The following SHE variants were observed in gnomAD, a reference collection of about 807,000 sequenced individuals.
SHE encodes SH2 domain-containing adapter protein E.
SHE carries 11 observed loss-of-function variants against 49.8 expected under a neutral mutation model. The ratio of observed to expected loss-of-function variants is 0.22; its 90% CI spans 0.14 to 0.37. SHE has a LOEUF of 0.37. Ranked by LOEUF, SHE falls within the 10% of genes least tolerant of loss-of-function variation. SHE has a pLI of 1.00. For missense variants in SHE, 624 were observed against 655.5 expected (o/e 0.95, Z 0.52); for synonymous variants, 310 against 278.1 (o/e 1.11, Z -1.14).
At chr1:154,500,044 A>G (rs758962025) in intron 1 of SHE, among the ~76,000 whole-genome samples, 19 of 142,546 alleles carry the variant, frequency 1.3e-4, no homozygotes, top group Non-Finnish European at 2.4e-4. Flanking sequence ...TACATTCTCC[A>G]AAGAGTTTAG....
In SHE at chr1:154,480,323, GAGA is replaced by G; in HGVS notation, c.*3823_*3825del. 3 of 985,376 alleles carry G rather than the reference GAGA, an allele frequency of 3.0e-6. No homozygotes were observed. Among genetic ancestry groups the G allele is most frequent in the Non-Finnish European group, 3.6e-6 (3 of 829,926 alleles). 61.0% of individuals were successfully genotyped at this position (985,376 alleles called of 1,614,324 possible). On this transcript the variant is annotated 3_prime_UTR_variant, in exon 6 of 6. Transcript: ENST00000304760. The stretch of plus-strand genomic sequence containing the variant: ...GCACTCCCTAAACCCTGGAAGGAGG[GAGA>G]AACAAGGGGCTAACCTTTGACTGAA...
chr1:154,471,557 G>A (rs1301488134), intron 1 of SHE, among the ~76,000 whole-genome samples: 2 of 152,178 alleles, frequency 1.3e-5, no homozygotes, highest in African/African-American at 4.8e-5. Flanking sequence ...CTGGGTGACA[G>A]CAAGACCTTG....
At chr1:154,471,042 TAAAAG>T (rs1691731508) in intron 1 of SHE, among the ~76,000 whole-genome samples, 7 of 139,980 alleles carry the variant, frequency 5.0e-5, no homozygotes, top group Non-Finnish European at 7.8e-5. Context: ...AAAAAAAAAA[TAAAAG>T]AAAGGTTCAA....
intron 4 of SHE, 32 bp downstream of exon 4, chr1:154,486,495 G>T: frequency 6.2e-7 from 1 of 1,609,904 alleles, no homozygotes; most frequent in Non-Finnish European, 8.5e-7. Flanking sequence ...CCCAGCTGTT[G>T]TCTGTTACAA....
chr1:154,482,274 A>T lies in SHE; in HGVS notation c.*1875T>A, dbSNP rs1304575409. ...CGTGATCTGCCTGCCTCAGCCTCCC[A>T]AATTGTTGGGATTACGTGCATGAGC... On this transcript the variant is annotated 3_prime_UTR_variant, in exon 6 of 6. Coordinates refer to ENST00000304760, the MANE Select transcript of SHE (RefSeq NM_001010846.3). The T allele has an allele frequency of 1.0e-6, 1 of 974,530 alleles. No homozygotes were observed. Among genetic ancestry groups the T allele is most frequent in the Non-Finnish European group, 1.2e-6 (1 of 820,182 alleles). 60.4% of individuals were successfully genotyped at this position (974,530 alleles called of 1,614,324 possible).
intron 1 of SHE, among the ~76,000 whole-genome samples, chr1:154,473,956 T>C (rs1219830615): frequency 6.6e-6 from 1 of 152,234 alleles, no homozygotes; most frequent in African/African-American, 2.4e-5. Context: ...TTGAAGATGG[T>C]GGTCCAAGAT....
intron 2 of SHE, among the ~76,000 whole-genome samples, chr1:154,493,485 C>G (rs1297771806): frequency 6.6e-6 from 1 of 152,164 alleles, no homozygotes; most frequent in Non-Finnish European, 1.5e-5. Context: ...CCGATAGAGG[C>G]CATTTACCAC....
intron 1 of SHE, among the ~76,000 whole-genome samples, chr1:154,500,467 T>A (rs187137142): frequency 3.8e-4 from 58 of 152,260 alleles, no homozygotes; most frequent in African/African-American, 1.3e-3. Flanking sequence ...ACACAGCATG[T>A]GTTATGGGCT....
At position 154,502,155 on chromosome 1, in the gene SHE, G is replaced by A. The variant is rs945885928; in HGVS notation, c.-129C>T. On this transcript the variant is annotated 5_prime_UTR_variant, in exon 1 of 6. Transcript: ENST00000304760. ...GGCTCGGGGCGCCGAGCGGGCGGGC[G>A]CTAGCCTCTGCTCCGGACACGGCAG... The A allele has an allele frequency of 2.9e-6, 2 of 696,182 alleles. No homozygotes were observed. The highest frequency in any genetic ancestry group is 3.8e-6 in the Non-Finnish European group (2 of 520,340). 43.1% of individuals were successfully genotyped at this position (696,182 alleles called of 1,614,324 possible).
At chr1:154,474,357 C>G (rs888548773) in intron 1 of SHE, among the ~76,000 whole-genome samples, 12 of 152,346 alleles carry the variant, frequency 7.9e-5, no homozygotes, top group Non-Finnish European at 1.8e-4. Flanking sequence ...ACATAGTTAA[C>G]TCTCTCTGAT....
intron 2 of SHE, among the ~76,000 whole-genome samples, chr1:154,491,991 C>T (rs1379824452): frequency 6.6e-6 from 1 of 152,126 alleles, no homozygotes; most frequent in Admixed American, 6.5e-5. Flanking sequence ...GGTGGAAAGA[C>T]TTTCTATCTG....
chr1:154,494,531 T>G (rs987262809), intron 2 of SHE, among the ~76,000 whole-genome samples: 8 of 151,138 alleles, frequency 5.3e-5, no homozygotes, highest in East Asian at 1.9e-4. Context: ...TTTATAGTTT[T>G]TTTTTTTTTT....
At chr1:154,488,914 G>T in intron 3 of SHE, 137 bp downstream of exon 3, 1 of 1,213,158 alleles carries the variant, frequency 8.2e-7, no homozygotes, top group Non-Finnish European at 1.1e-6. Context: ...GGTCATTTCA[G>T]GCATTTCCAA....
chr1:154,482,760 T>C lies in SHE; in HGVS notation c.*1389A>G, dbSNP rs916931069. On this transcript the variant is annotated 3_prime_UTR_variant, in exon 6 of 6. Transcript: ENST00000304760. ...ATCATAAAGATCCTAATACTATGAA[T>C]CTTAAGTAATGGTATTTAAGAGAAA... The C allele has an allele frequency of 2.6e-5, 26 of 985,272 alleles. No homozygotes were observed. In the Admixed American group the frequency reaches 1.5e-3, roughly 56 times the overall value. The allele number at this position is 985,272 out of a possible 1,614,324, so 61.0% of individuals were successfully genotyped here.
intron 2 of SHE, among the ~76,000 whole-genome samples, chr1:154,496,782 T>C (rs1167669189): frequency 1.3e-5 from 2 of 151,696 alleles, no homozygotes; most frequent in Admixed American, 1.3e-4. Flanking sequence ...CCCCCAAAAT[T>C]ATATTCATTT....
chr1:154,494,115 A>G (rs908556357), intron 2 of SHE, among the ~76,000 whole-genome samples: 8 of 152,166 alleles, frequency 5.3e-5, no homozygotes, highest in African/African-American at 9.7e-5. Context: ...TTAAGACTCT[A>G]TTTTCCTCCT....
At chr1:154,501,378 C>A in intron 1 of SHE, 58 bp downstream of exon 1, 1 of 1,536,558 alleles carries the variant, frequency 6.5e-7, no homozygotes, top group Non-Finnish European at 8.9e-7. Flanking sequence ...TAGGGCTTAG[C>A]AGGCGCCCAG....
chr1:154,485,816 A>C (rs1692159700), intron 5 of SHE, 127 bp downstream of exon 5: 4 of 1,161,270 alleles, frequency 3.4e-6, no homozygotes, highest in Non-Finnish European at 4.8e-6. Flanking sequence ...TGTCCAAACA[A>C]ATGCCTCTTA....
At chr1:154,488,164 A>G (rs983345558) in intron 3 of SHE, among the ~76,000 whole-genome samples, 4 of 151,962 alleles carry the variant, frequency 2.6e-5, no homozygotes, top group African/African-American at 4.8e-5. Flanking sequence ...GATGGTCTCC[A>G]GCTCTTGACC....
Sources: gnomAD v4.1 joint callset for allele counts (sites outside exome capture counted in the v4.1 genomes callset) on GRCh38, gnomAD v4.1.1 for gene constraint, MANE v1.5 for transcripts, NCBI Gene and HGNC (gene_info 2026-07-23, HGNC 2026-07-21) for gene names.